LRRC19: variants seen among roughly 807,000 people sequenced by gnomAD.
LRRC19 encodes the protein leucine-rich repeat-containing protein 19.
Under a neutral mutation model 33.3 loss-of-function variants are expected in LRRC19, and 33 were observed. The ratio of observed to expected loss-of-function variants is 0.99; its 90% CI spans 0.75 to 1.33. The LOEUF (loss-of-function observed/expected upper bound fraction) is 1.33, where lower values mean the gene tolerates loss of function less well. Ranked by LOEUF, LRRC19 falls within the 40% of genes most tolerant of loss-of-function variation. The pLI, the probability that LRRC19 is intolerant of heterozygous loss-of-function variation, is 0.00. For synonymous variants in LRRC19, 184 were observed against 152.3 expected, an observed-to-expected ratio of 1.21 and a Z score of -1.53; for missense variants, 463 against 417.3, an observed-to-expected ratio of 1.11 and a Z score of -0.95.
intron 2 of LRRC19, among the ~76,000 whole-genome samples, chr9:26,999,119 G>A (rs1165912626): frequency 6.6e-6 from 1 of 152,136 alleles, no homozygotes; most frequent in East Asian, 1.9e-4. Context: ...CAGAAATGGA[G>A]CCAGGTATTG....
intron 1 of LRRC19, among the ~76,000 whole-genome samples, chr9:27,002,665 A>G (rs1828564155): frequency 6.6e-6 from 1 of 152,198 alleles, no homozygotes; most frequent in Non-Finnish European, 1.5e-5. Flanking sequence ...TCTTGATGCC[A>G]GTACCATGCT....
chr9:26,993,476 T>G lies in LRRC19; in HGVS notation c.*2045A>C, dbSNP rs1466927042. Reference sequence around the variant, plus strand: ...AACACAAGCAAATATGTATTATAAATTAGTAAGTTCTTCTATTTTACAGGT... The same window carrying G: ...AACACAAGCAAATATGTATTATAAAGTAGTAAGTTCTTCTATTTTACAGGT... On this transcript the variant is annotated 3_prime_UTR_variant, in exon 5 of 5. Transcript: ENST00000380055. 8 of 152,594 alleles carry G rather than the reference T, an allele frequency of 5.2e-5. No individual in the cohort carries two copies. Among genetic ancestry groups the G allele is most frequent in the Non-Finnish European group, 1.2e-4 (8 of 68,010 alleles). The allele number at this position is 152,594 out of a possible 1,614,324, so 9.5% of individuals were successfully genotyped here.
Position 26,995,308 on chromosome 9 carries a change from C to A in LRRC19, c.*213G>T. 2.2e-6 allele frequency: 1 copy of A among 461,038 alleles called. No homozygotes were observed. Among genetic ancestry groups the A allele is most frequent in the East Asian group, 3.9e-5 (1 of 25,940 alleles). 28.6% of individuals were successfully genotyped at this position (461,038 alleles called of 1,614,324 possible). A position where few individuals can be genotyped will look rare whatever the true frequency, so the allele number is the denominator to read the frequency against. Reference sequence around the variant, plus strand: ...AGAATAGTAGTGCTAGTATTGTAGACTATGTAACTGTCAACTACCGAGGAG... The same window carrying A: ...AGAATAGTAGTGCTAGTATTGTAGAATATGTAACTGTCAACTACCGAGGAG... On this transcript the variant is annotated 3_prime_UTR_variant, in exon 5 of 5. Transcript: ENST00000380055.
At chr9:26,996,630 T>C in intron 3 of LRRC19, 131 bp from the exon 4 acceptor site, 2 of 531,264 alleles carry the variant, frequency 3.8e-6, no homozygotes, top group Non-Finnish European at 6.0e-6. Flanking sequence ...CCTGTTGTAT[T>C]TGTCTAGCAA....
rs1055454194 is a variant in LRRC19, at chr9:26,993,153, A to G, written c.*2368T>C. ...TATACCCATTTATTTTTCTTTGTGT[A>G]GTCAGATATTTATTGAATACCCCAT... On this transcript the variant is annotated 3_prime_UTR_variant, in exon 5 of 5. Coordinates refer to ENST00000380055, the MANE Select transcript of LRRC19 (RefSeq NM_022901.3). 5 of 152,172 alleles carry G rather than the reference A, an allele frequency of 3.3e-5. No homozygotes were observed. The highest frequency in any genetic ancestry group is 9.6e-5 in the African/African-American group (4 of 41,452). The allele number at this position is 152,172 out of a possible 1,614,324, so 9.4% of individuals were successfully genotyped here.
intron 3 of LRRC19, 65 bp downstream of exon 3, chr9:26,997,662 GA>G: frequency 6.7e-7 from 1 of 1,492,338 alleles, no homozygotes; most frequent in Non-Finnish European, 9.0e-7. Context: ...CGTGATATGA[GA>G]GATTTTTCTG....
intron 1 of LRRC19, among the ~76,000 whole-genome samples, chr9:27,003,277 C>T (rs148920362): frequency 0.013 from 1,927 of 151,988 alleles, 39 homozygotes; most frequent in African/African-American, 0.045. Flanking sequence ...AATCCCAGCA[C>T]TTTGGGAGGC....
At chr9:26,996,130 G>A (rs1023569391) in intron 4 of LRRC19, among the ~76,000 whole-genome samples, 181 bp downstream of exon 4, 1 of 152,132 alleles carries the variant, frequency 6.6e-6, no homozygotes, top group African/African-American at 2.4e-5. Flanking sequence ...TAATTTGCAC[G>A]ATGGCATTTG....
At position 26,998,238 on chromosome 9, in the gene LRRC19, C is replaced by T. The variant is rs1369477260; in HGVS notation, c.85G>A (p.Val29Ile). ...TTTTTTTCAGTAAAATTACATTGGA[C>T]TTCCTAGAAAAACAAAAAAAAGAAA... ...SDKIQSSKREVQCNFTEKNYT... is the reference protein window; with the variant it reads ...SDKIQSSKREIQCNFTEKNYT... The change falls in exon 3 of 5, where the codon GTC becomes ATC. Residue 29 changes from valine to isoleucine, a missense_variant. Transcript: ENST00000380055. The T allele has an allele frequency of 2.1e-6, 3 of 1,432,128 alleles. No homozygotes were observed. Among genetic ancestry groups the T allele is most frequent in the African/African-American group, 2.9e-5 (2 of 68,902 alleles). The allele number at this position is 1,432,128 out of a possible 1,614,324, so 88.7% of individuals were successfully genotyped here.
At chr9:26,999,281 CA>C (rs1242244544) in intron 2 of LRRC19, among the ~76,000 whole-genome samples, 1 of 151,790 alleles carries the variant, frequency 6.6e-6, no homozygotes, top group Non-Finnish European at 1.5e-5. Context: ...ATTTTTTCAC[CA>C]ATAATAATTC....
Position 26,995,955 on chromosome 9 carries a change from A to G in LRRC19, c.785-106T>C, listed in dbSNP as rs1200032556. Reference sequence around the variant, plus strand: ...TCCTCAATATTGGTATTAAAAATAAACATACATTGTAGTTTTCTTTAGATT... The same window carrying G: ...TCCTCAATATTGGTATTAAAAATAAGCATACATTGTAGTTTTCTTTAGATT... On this transcript the variant is annotated intron_variant, in intron 4 of 4. Transcript: ENST00000380055. 6.3e-6 allele frequency: 5 copies of G among 799,486 alleles called. No individual in the cohort carries two copies. The African/African-American group carries it at 6.9e-5, about 11-fold the overall frequency. The allele number at this position is 799,486 out of a possible 1,614,324, so 49.5% of individuals were successfully genotyped here. A position where few individuals can be genotyped will look rare whatever the true frequency, so the allele number is the denominator to read the frequency against.
rs1237690508 is a variant in LRRC19 at position 26,993,931 on chromosome 9, T to A, written c.*1590A>T. 6.6e-6 allele frequency: 1 copy of A among 152,260 alleles called. No homozygotes were observed. Among genetic ancestry groups the A allele is most frequent in the Non-Finnish European group, 1.5e-5 (1 of 68,038 alleles). 9.4% of individuals were successfully genotyped at this position (152,260 alleles called of 1,614,324 possible). ...GATGTAAATTCTTAATTTCTCTGCA[T>A]ATGAAGGTAAAAATTATAGATTGTG... On this transcript the variant is annotated 3_prime_UTR_variant, in exon 5 of 5. Coordinates refer to ENST00000380055, the MANE Select transcript of LRRC19 (RefSeq NM_022901.3).
Position 26,993,308 on chromosome 9 carries a change from G to T in LRRC19, c.*2213C>A, listed in dbSNP as rs1827969445. 6.6e-6 allele frequency: 1 copy of T among 152,008 alleles called. No homozygotes were observed. The highest frequency in any genetic ancestry group is 6.5e-5 in the Admixed American group (1 of 15,270). The allele number at this position is 152,008 out of a possible 1,614,324, so 9.4% of individuals were successfully genotyped here. A position where few individuals can be genotyped will look rare whatever the true frequency, so the allele number is the denominator to read the frequency against. On this transcript the variant is annotated 3_prime_UTR_variant, in exon 5 of 5. Transcript: ENST00000380055. Reference sequence around the variant, plus strand: ...TAATTAGGAAATAATTTAGCAGAATGATACATTGTTTAGAAAAAGATATTT... The same window carrying T: ...TAATTAGGAAATAATTTAGCAGAATTATACATTGTTTAGAAAAAGATATTT...
At chr9:27,000,773 G>T (rs1563963244) in intron 1 of LRRC19, among the ~76,000 whole-genome samples, 1 of 152,058 alleles carries the variant, frequency 6.6e-6, no homozygotes, top group South Asian at 2.1e-4. Flanking sequence ...AAACCACCGT[G>T]GCACATGTTT....
intron 1 of LRRC19, among the ~76,000 whole-genome samples, chr9:27,004,033 C>G (rs754018707): frequency 6.6e-6 from 1 of 151,614 alleles, no homozygotes; most frequent in African/African-American, 2.4e-5. Flanking sequence ...TGTTTTTTTT[C>G]CAGAAACAAA....
intron 1 of LRRC19, among the ~76,000 whole-genome samples, chr9:27,002,367 G>T (rs560373922): frequency 5.4e-4 from 83 of 152,324 alleles, no homozygotes; most frequent in African/African-American, 1.8e-3. Flanking sequence ...GGGTGAAGGT[G>T]GGCTGAGTCC....
rs1828091027 is a variant in LRRC19 at position 26,995,428 on chromosome 9, C to G, written c.*93G>C. 1 of 695,658 alleles carries G rather than the reference C, an allele frequency of 1.4e-6. No homozygotes were observed. The highest frequency in any genetic ancestry group is 2.9e-5 in the Admixed American group (1 of 34,034). 43.1% of individuals were successfully genotyped at this position (695,658 alleles called of 1,614,324 possible). On this transcript the variant is annotated 3_prime_UTR_variant, in exon 5 of 5. Transcript: ENST00000380055. ...ATGTTGTCATTAATATGAATGCCTGCCAGCTGTATTTTGTTATGTCACATA... is the reference window on the plus strand; with the variant it reads ...ATGTTGTCATTAATATGAATGCCTGGCAGCTGTATTTTGTTATGTCACATA...
intron 1 of LRRC19, 61 bp from the exon 2 acceptor site, chr9:26,999,764 T>TTTA: frequency 6.3e-6 from 7 of 1,112,924 alleles, no homozygotes; most frequent in Non-Finnish European, 7.5e-6. Flanking sequence ...TTTGAATCTG[T>TTTA]TTATTCTTTT....
chr9:27,004,250 C>T (rs531530157), intron 1 of LRRC19, among the ~76,000 whole-genome samples: 62 of 152,018 alleles, frequency 4.1e-4, no homozygotes, highest in African/African-American at 5.5e-4. Flanking sequence ...TTCTCAAGTG[C>T]GCTAAAAGAA....
Sources: allele counts gnomAD v4.1 joint callset (sites outside exome capture counted in the v4.1 genomes callset), GRCh38; gene constraint gnomAD v4.1.1; transcripts MANE v1.5; gene names NCBI Gene and HGNC (gene_info 2026-07-23, HGNC 2026-07-21).